Variants in MZT2B observed in about 807,000 individuals in gnomAD.
The protein encoded by MZT2B is mitotic spindle organizing protein 2B, also known as mitotic-spindle organizing protein 2B.
MZT2B carries 11 observed loss-of-function variants against 12.1 expected under a neutral mutation model. The observed-to-expected ratio is 0.91, with a 90% CI of 0.57 to 1.50. The LOEUF is 1.50. MZT2B is among the 40% of genes most tolerant of loss of function. The pLI is 0.00. For missense variants in MZT2B, 209 were observed against 227.7 expected (o/e 0.92, Z 0.53); for synonymous variants, 85 against 109.5 (o/e 0.78, Z 1.40).
downstream of MZT2B, chr2:130,190,829 C>T (rs1663229613): frequency 8.4e-7 from 1 of 1,188,118 alleles, no homozygotes; most frequent in East Asian, 3.1e-5. Context: ...GTGAACTAAC[C>T]AGGTCCCTTC....
intron 2 of MZT2B, among the ~76,000 whole-genome samples, chr2:130,189,054 A>C (rs75922108): frequency 3.9e-5 from 6 of 152,196 alleles, no homozygotes; most frequent in South Asian, 2.1e-4. Flanking sequence ...AGTTCCTGCA[A>C]GGGACTGCCC....
At chr2:130,198,639 G>A in the MZT2B span, among the ~76,000 whole-genome samples, 1 of 123,868 alleles carries the variant, frequency 8.1e-6, no homozygotes, top group East Asian at 2.6e-4. Context: ...GGTTGCTGAG[G>A]CATTTCCGGG....
chr2:130,187,819 A>G (rs1370097911), intron 2 of MZT2B, among the ~76,000 whole-genome samples: 6 of 152,050 alleles, frequency 3.9e-5, no homozygotes, highest in East Asian at 3.9e-4. Flanking sequence ...TTTTCTTAGT[A>G]TCAGTTATGG....
At chr2:130,186,509 C>T (rs1161467232) in intron 2 of MZT2B, among the ~76,000 whole-genome samples, 1 of 152,200 alleles carries the variant, frequency 6.6e-6, no homozygotes, top group Non-Finnish European at 1.5e-5. Context: ...TGTAAGATGA[C>T]GTTTGGAGTG....
Position 130,188,504 on chromosome 2 carries a change from G to T in MZT2B, c.320-1965G>T, listed in dbSNP as rs797016905. On this transcript the variant is annotated intron_variant, in intron 2 of 2. Coordinates refer to ENST00000281871, the MANE Select transcript of MZT2B (RefSeq NM_025029.5). Reference sequence around the variant, plus strand: ...ATTGTCTGCTTTGTGCCTTTTTCACGAGTCACTGCTGGGCTGAGGTGGCCA... The same window carrying T: ...ATTGTCTGCTTTGTGCCTTTTTCACTAGTCACTGCTGGGCTGAGGTGGCCA... 8.6e-3 allele frequency among the ~76,000 whole-genome samples: 1,153 copies of T among 134,520 alleles called. 1 individual carries two copies. Among genetic ancestry groups the T allele is most frequent in the African/African-American group, 0.032 (987 of 30,730 alleles). The allele number at this position is 134,520 out of a possible 152,430, so 88.3% of individuals were successfully genotyped here.
chr2:130,194,024 G>A (rs1690338747), downstream of MZT2B: 2 of 1,614,100 alleles, frequency 1.2e-6, no homozygotes, highest in African/African-American at 2.7e-5. Flanking sequence ...GATGACTGGG[G>A]CGTAGGTGGC....
downstream of MZT2B, chr2:130,195,219 G>A (rs143099002): frequency 2.4e-5 from 38 of 1,613,716 alleles, no homozygotes; most frequent in South Asian, 9.9e-5. Flanking sequence ...GTCCCTGTGC[G>A]CACTTCATCT....
chr2:130,203,361 C>T, the MZT2B span, among the ~76,000 whole-genome samples: 2 of 152,202 alleles, frequency 1.3e-5, no homozygotes, highest in African/African-American at 2.4e-5. Flanking sequence ...GGAGGCCTTT[C>T]CTCCCCATGT....
chr2:130,187,484 C>T (rs532394087), intron 2 of MZT2B, among the ~76,000 whole-genome samples: 1 of 152,332 alleles, frequency 6.6e-6, no homozygotes, highest in African/African-American at 2.4e-5. Flanking sequence ...CCACTGACCC[C>T]TGCTGAGCCA....
intron 2 of MZT2B, chr2:130,183,588 C>G: frequency 2.3e-6 from 2 of 854,710 alleles, no homozygotes; most frequent in Non-Finnish European, 3.8e-6. Flanking sequence ...AGGCCCAGAG[C>G]TGGCTCCCTG....
chr2:130,183,863 C>T (rs940852234), intron 2 of MZT2B: 4 of 1,550,544 alleles, frequency 2.6e-6, no homozygotes, highest in African/African-American at 2.7e-5. Flanking sequence ...AGCCTGCGGC[C>T]TCTCCGGTTC....
Position 130,190,528 on chromosome 2 carries a change from C to A in MZT2B, c.379C>A (p.Arg127Ser), listed in dbSNP as rs138130291. The change falls in exon 3 of 3, where the codon CGC becomes AGC. Residue 127 changes from arginine (R) to serine (S), a missense_variant. By Grantham distance (110) the Arg-to-Ser change is moderately radical (BLOSUM62 -1). Transcript: ENST00000281871. ...ATTGGCCCTGGCGGAACGCAGCAGC[C>A]GCGAAGGATCCAGCCAGAGGATGCC... ...GALALAERSS[R>S]EGSSQRMPRQ... The A allele has an allele frequency of 6.2e-7, 1 of 1,613,836 alleles. No individual in the cohort carries two copies. Among genetic ancestry groups the A allele is most frequent in the Non-Finnish European group, 8.5e-7 (1 of 1,179,998 alleles).
At chr2:130,184,821 G>A (rs755157427) in intron 2 of MZT2B, 110 of 985,414 alleles carry the variant, frequency 1.1e-4, no homozygotes, top group Middle Eastern at 5.2e-4. Context: ...AGAGGGTGTG[G>A]CAGGGAAGTG....
intron 2 of MZT2B, chr2:130,184,900 C>G: frequency 2.2e-5 from 22 of 984,970 alleles, no homozygotes; most frequent in Non-Finnish European, 2.5e-5. Flanking sequence ...TGTGGTGGCT[C>G]ACACCTGTAA....
At chr2:130,182,961 C>T in intron 2 of MZT2B, 186 bp downstream of exon 2, 2 of 827,686 alleles carry the variant, frequency 2.4e-6, no homozygotes, top group South Asian at 3.6e-5. Context: ...GAGGCACGTC[C>T]AGGTCAGGTG....
chr2:130,204,668 G>A, the MZT2B span, among the ~76,000 whole-genome samples: 1 of 141,248 alleles, frequency 7.1e-6, no homozygotes, highest in Non-Finnish European at 1.5e-5. Context: ...TCCAGCCTGG[G>A]CATCAAGAGC....
chr2:130,196,161 G>A, the MZT2B span: 6 of 1,613,154 alleles, frequency 3.7e-6, no homozygotes, highest in Admixed American at 6.7e-5. Context: ...ACCACAGTGG[G>A]CTCCAGGTCC....
chr2:130,186,738 T>C (rs1302448244), intron 2 of MZT2B, among the ~76,000 whole-genome samples: 1 of 152,032 alleles, frequency 6.6e-6, no homozygotes, highest in African/African-American at 2.4e-5. Context: ...GGAGACCCAA[T>C]CTCTACAAAA....
chr2:130,201,052 G>A, the MZT2B span, among the ~76,000 whole-genome samples: 1 of 152,248 alleles, frequency 6.6e-6, no homozygotes, highest in Admixed American at 6.5e-5. Context: ...TCCCTCCTGA[G>A]AGGAGAGCAG....
Sources: gnomAD v4.1 joint callset for allele counts (sites outside exome capture counted in the v4.1 genomes callset) on GRCh38, gnomAD v4.1.1 for gene constraint, MANE v1.5 for transcripts, NCBI Gene and HGNC (gene_info 2026-07-23, HGNC 2026-07-21) for gene names.